CHRNA9: variants seen among roughly 807,000 people sequenced by gnomAD.
CHRNA9 encodes neuronal acetylcholine receptor subunit alpha-9.
Under a neutral mutation model 36.8 loss-of-function variants are expected in CHRNA9, and 24 were observed. The ratio of observed to expected loss-of-function variants is 0.65; its 90% CI spans 0.47 to 0.92. The LOEUF is 0.92. Ranked by LOEUF, CHRNA9 falls within the 40% of genes least tolerant of loss-of-function variation. The pLI is 0.00. For synonymous variants in CHRNA9, 231 were observed against 231.8 expected, an observed-to-expected ratio of 1.00 and a Z score of 0.03; for missense variants, 610 against 601.2, an observed-to-expected ratio of 1.01 and a Z score of -0.15.
chr4:40,340,768 T>C (rs1293224992), intron 3 of CHRNA9, among the ~76,000 whole-genome samples: 1 of 151,806 alleles, frequency 6.6e-6, no homozygotes, highest in Non-Finnish European at 1.5e-5. Flanking sequence ...TAGGGAGTGA[T>C]CAGGAAGGAG....
intron 3 of CHRNA9, among the ~76,000 whole-genome samples, chr4:40,343,939 G>A (rs1330636934): frequency 6.6e-6 from 1 of 152,204 alleles, no homozygotes; most frequent in East Asian, 1.9e-4. Context: ...GACTTTGCAG[G>A]TATGATTGAA....
At chr4:40,341,477 G>A (rs1712501100) in intron 3 of CHRNA9, among the ~76,000 whole-genome samples, 2 of 152,052 alleles carry the variant, frequency 1.3e-5, no homozygotes, top group Non-Finnish European at 2.9e-5. Flanking sequence ...CATTGCATGA[G>A]GTGTAACTTC....
intron 3 of CHRNA9, among the ~76,000 whole-genome samples, chr4:40,345,587 C>A (rs964532025): frequency 6.6e-6 from 1 of 151,958 alleles, no homozygotes; most frequent in Non-Finnish European, 1.5e-5. Flanking sequence ...TGGTGCGTGC[C>A]TATAATTCCA....
chr4:40,341,006 A>G (rs1269902351), intron 3 of CHRNA9, among the ~76,000 whole-genome samples: 2 of 148,016 alleles, frequency 1.4e-5, no homozygotes, highest in African/African-American at 2.5e-5. Flanking sequence ...ACATTTCCCT[A>G]ATAACTTCGG....
In CHRNA9 at chr4:40,354,014, G is replaced by T. The variant is rs56210055; in HGVS notation, c.934G>T (p.Ala312Ser). 2 of 1,611,672 alleles carry T rather than the reference G, an allele frequency of 1.2e-6. No individual in the cohort carries two copies. The highest frequency in any genetic ancestry group is 4.5e-5 in the East Asian group (2 of 44,824). ...YYIATMALIT[A>S]STALTIMVMN... is the part of the protein sequence containing the mutation. ...CATAGCCACGATGGCCCTGATCACAGCCTCCACTGCGTTGACCATCATGGT... is the reference window on the plus strand; with the variant it reads ...CATAGCCACGATGGCCCTGATCACATCCTCCACTGCGTTGACCATCATGGT... Residue 312 changes from alanine to serine, a missense_variant, in exon 5 of 5, where the codon GCC becomes TCC. Physicochemically the swap from Ala to Ser is moderately conservative, Grantham distance 99. Coordinates refer to ENST00000310169, the MANE Select transcript of CHRNA9 (RefSeq NM_017581.4).
At chr4:40,348,087 C>G (rs538639885) in intron 3 of CHRNA9, 1 of 152,344 alleles carries the variant, frequency 6.6e-6, no homozygotes, top group East Asian at 1.9e-4. Flanking sequence ...TCAGCCATCA[C>G]TAGGGTGATG....
At chr4:40,346,756 A>G (rs1298673275) in intron 3 of CHRNA9, among the ~76,000 whole-genome samples, 1 of 152,226 alleles carries the variant, frequency 6.6e-6, no homozygotes, top group Non-Finnish European at 1.5e-5. Context: ...TAAAAACCTT[A>G]AAAACATGCC....
rs373237756 is a variant in CHRNA9 at position 40,348,875 on chromosome 4, C to A, written c.366-7C>A. On this transcript the variant is annotated splice_polypyrimidine_tract_variant and splice_region_variant and intron_variant, in intron 3 of 4. Transcript: ENST00000310169. ...TGCGGCTTTCATTTTCCTTATCTGA[C>A]CTTCAGGGCTGATGATGAATCTTCA... The A allele has an allele frequency of 3.7e-6, 6 of 1,607,282 alleles. No homozygotes were observed. Among genetic ancestry groups the A allele is most frequent in the East Asian group, 2.2e-5 (1 of 44,726 alleles).
At chr4:40,346,861 A>G (rs1712650727) in intron 3 of CHRNA9, among the ~76,000 whole-genome samples, 1 of 152,048 alleles carries the variant, frequency 6.6e-6, no homozygotes, top group African/African-American at 2.4e-5. Context: ...CCCAGGCTGG[A>G]GTGCAGTGGT....
At chr4:40,346,418 T>C (rs181464537) in intron 3 of CHRNA9, among the ~76,000 whole-genome samples, 53 of 152,346 alleles carry the variant, frequency 3.5e-4, no homozygotes, top group South Asian at 6.2e-4. Context: ...GGTTATCTAA[T>C]TGGAGTAGGC....
Position 40,354,248 on chromosome 4 carries a change from C to G in CHRNA9, c.1168C>G (p.Leu390Val). ...SNLKAARNKDLSRKKDMNKRL... is the reference protein window; with the variant it reads ...SNLKAARNKDVSRKKDMNKRL... ...CCTGAAAGCAGCCAGGAACAAAGAC[C>G]TTTCCAGAAAGAAGGACATGAACAA... The change falls in exon 5 of 5, where the codon CTT (leucine) becomes GTT (valine). Residue 390 changes from leucine (L) to valine (V), a missense_variant. Transcript: ENST00000310169. 1 of 1,614,190 alleles carries G rather than the reference C, an allele frequency of 6.2e-7. No individual in the cohort carries two copies. The highest frequency in any genetic ancestry group is 1.1e-5 in the South Asian group (1 of 91,080).
chr4:40,344,849 A>T (rs1712592388), intron 3 of CHRNA9, among the ~76,000 whole-genome samples: 1 of 152,222 alleles, frequency 6.6e-6, no homozygotes, highest in Non-Finnish European at 1.5e-5. Context: ...GTCCCTTATA[A>T]CACAGAAGTG....
rs975777187 is a variant in CHRNA9 at position 40,349,611 on chromosome 4, G to A, written c.898+197G>A. On this transcript the variant is annotated intron_variant, in intron 4 of 4. Coordinates refer to ENST00000310169, the MANE Select transcript of CHRNA9 (RefSeq NM_017581.4). ...CTTTTGCAATCAAAACTGGTCTTAT[G>A]GTCTCTGGGTTTACACGAAAGAGCA... 5.3e-6 allele frequency: 3 copies of A among 567,666 alleles called. No individual in the cohort carries two copies. The African/African-American group carries it at 5.6e-5, about 11-fold the overall frequency. The allele number at this position is 567,666 out of a possible 1,614,324, so 35.2% of individuals were successfully genotyped here.
chr4:40,337,478 T>A, intron 3 of CHRNA9, 114 bp downstream of exon 3: 1 of 1,197,824 alleles, frequency 8.3e-7, no homozygotes, highest in Admixed American at 2.5e-5. Flanking sequence ...TATTAATCCA[T>A]GTTCCTAGGA....
At chr4:40,343,123 G>C (rs1469027570) in intron 3 of CHRNA9, among the ~76,000 whole-genome samples, 1 of 152,178 alleles carries the variant, frequency 6.6e-6, no homozygotes, top group Non-Finnish European at 1.5e-5. Flanking sequence ...CTCCTCTCCA[G>C]TTCCCAGGAA....
intron 2 of CHRNA9, among the ~76,000 whole-genome samples, chr4:40,336,779 C>T (rs897169129): frequency 6.6e-6 from 1 of 152,146 alleles, no homozygotes; most frequent in African/African-American, 2.4e-5. Context: ...CGCGCCCGGC[C>T]AATCTCAATT....
intron 4 of CHRNA9, among the ~76,000 whole-genome samples, chr4:40,350,615 G>T (rs886819496): frequency 6.6e-6 from 1 of 151,390 alleles, no homozygotes; most frequent in African/African-American, 2.4e-5. Context: ...ACTGAGTCCA[G>T]TTACCCAATA....
At chr4:40,351,982 A>T (rs1455399244) in intron 4 of CHRNA9, among the ~76,000 whole-genome samples, 1 of 152,218 alleles carries the variant, frequency 6.6e-6, no homozygotes, top group Non-Finnish European at 1.5e-5. Context: ...TCACAAAATG[A>T]ACTGGACAGT....
chr4:40,343,430 T>A (rs1451268884), intron 3 of CHRNA9, among the ~76,000 whole-genome samples: 1 of 152,132 alleles, frequency 6.6e-6, no homozygotes, highest in Non-Finnish European at 1.5e-5. Context: ...GAACTCCCCT[T>A]TATAAAACCA....
Sources: allele counts gnomAD v4.1 joint callset (sites outside exome capture counted in the v4.1 genomes callset), GRCh38; gene constraint gnomAD v4.1.1; transcripts MANE v1.5; gene names NCBI Gene and HGNC (gene_info 2026-07-23, HGNC 2026-07-21).